The following EXT1 variants were observed in gnomAD, a reference collection of about 807,000 sequenced individuals.
EXT1 encodes the protein exostosin glycosyltransferase 1.
EXT1 carries 20 observed loss-of-function variants against 82.5 expected under a neutral mutation model. The ratio of observed to expected loss-of-function variants is 0.24; its 90% CI spans 0.17 to 0.35. The LOEUF (loss-of-function observed/expected upper bound fraction) is 0.35, where lower values mean the gene tolerates loss of function less well. Ranked by LOEUF, EXT1 falls within the 10% of genes least tolerant of loss-of-function variation. The probability of loss-of-function intolerance (pLI) is 1.00; values close to 1 mark genes in which losing one functional copy is unlikely to be tolerated. For missense variants in EXT1, 757 were observed against 936.5 expected, an observed-to-expected ratio of 0.81 and a Z score of 2.50; for synonymous variants, 348 against 350.8, an observed-to-expected ratio of 0.99 and a Z score of 0.09.
intron 1 of EXT1, among the ~76,000 whole-genome samples, chr8:117,972,644 T>G (rs1233400772): frequency 1.3e-5 from 2 of 152,224 alleles, no homozygotes; most frequent in Non-Finnish European, 2.9e-5. Flanking sequence ...GTTCTCACAC[T>G]GCTAATAAAG....
intron 1 of EXT1, among the ~76,000 whole-genome samples, chr8:117,883,833 T>C (rs1813102516): frequency 6.6e-6 from 1 of 152,226 alleles, no homozygotes; most frequent in Non-Finnish European, 1.5e-5. Context: ...GCAGGTAAAC[T>C]GCAGTCCGAC....
At chr8:117,936,453 A>C (rs1814164795) in intron 1 of EXT1, among the ~76,000 whole-genome samples, 1 of 152,280 alleles carries the variant, frequency 6.6e-6, no homozygotes, top group African/African-American at 2.4e-5. Flanking sequence ...AGAGAATCAG[A>C]GAGAAGTCAA....
At chr8:118,097,703 A>G (rs1331157521) in intron 1 of EXT1, among the ~76,000 whole-genome samples, 1 of 152,214 alleles carries the variant, frequency 6.6e-6, no homozygotes, top group Admixed American at 6.5e-5. Flanking sequence ...GAAGGCAGGT[A>G]CGTGCACCTT....
chr8:117,905,018 A>G (rs1031185145), intron 1 of EXT1, among the ~76,000 whole-genome samples: 1 of 152,188 alleles, frequency 6.6e-6, no homozygotes, highest in African/African-American at 2.4e-5. Context: ...TTATGCCTCA[A>G]TTAAAAAAGC....
intron 1 of EXT1, among the ~76,000 whole-genome samples, chr8:117,895,548 A>G (rs1813319569): frequency 1.3e-5 from 2 of 152,220 alleles, no homozygotes; most frequent in African/African-American, 4.8e-5. Flanking sequence ...AAGGGAAGTC[A>G]TTAAGACCCA....
At chr8:118,054,069 T>G (rs1054640434) in intron 1 of EXT1, among the ~76,000 whole-genome samples, 1 of 152,186 alleles carries the variant, frequency 6.6e-6, no homozygotes, top group African/African-American at 2.4e-5. Context: ...CATCCTATAA[T>G]GTACAGGGCA....
chr8:117,921,803 G>A (rs1357537638), intron 1 of EXT1, among the ~76,000 whole-genome samples: 3 of 152,100 alleles, frequency 2.0e-5, no homozygotes, highest in Admixed American at 6.5e-5. Context: ...TGAAGGAAGA[G>A]AAAAGCAAAA....
At chr8:117,817,455 A>G (rs944917084) in intron 7 of EXT1, among the ~76,000 whole-genome samples, 3 of 152,092 alleles carry the variant, frequency 2.0e-5, no homozygotes, top group African/African-American at 7.2e-5. Context: ...TGCTTCACCA[A>G]TCTCAATTTC....
chr8:117,989,023 T>G (rs1191041121), intron 1 of EXT1, among the ~76,000 whole-genome samples: 1 of 140,716 alleles, frequency 7.1e-6, no homozygotes, highest in African/African-American at 2.7e-5. Context: ...GCCAGGAGTT[T>G]GAGACCAGCC....
At chr8:117,846,592 A>G (rs905152006) in intron 1 of EXT1, among the ~76,000 whole-genome samples, 3 of 152,204 alleles carry the variant, frequency 2.0e-5, no homozygotes, top group Non-Finnish European at 4.4e-5. Flanking sequence ...ATTAACAATA[A>G]AAGAGCCAGC....
intron 1 of EXT1, among the ~76,000 whole-genome samples, chr8:118,024,627 CA>C (rs2129864594): frequency 6.6e-6 from 1 of 152,158 alleles, no homozygotes; most frequent in South Asian, 2.1e-4. Context: ...ATGGAACTTA[CA>C]AACTGTGCTA....
chr8:117,989,851 A>C (rs1467921459), intron 1 of EXT1, among the ~76,000 whole-genome samples: 1 of 152,248 alleles, frequency 6.6e-6, no homozygotes, highest in African/African-American at 2.4e-5. Flanking sequence ...TGCCAAAAAA[A>C]CAAATGCACT....
chr8:117,867,041 G>A (rs1180222922), intron 1 of EXT1, among the ~76,000 whole-genome samples: 4 of 151,938 alleles, frequency 2.6e-5, no homozygotes, highest in Admixed American at 6.6e-5. Context: ...TGGGTGGATC[G>A]CGAGGTCAGG....
chr8:117,854,133 T>C (rs10102199), intron 1 of EXT1, among the ~76,000 whole-genome samples: 14,341 of 152,298 alleles, frequency 0.094, 941 homozygotes, highest in African/African-American at 0.19. Flanking sequence ...TCCTTCCCAT[T>C]GACTCTAATA....
At chr8:117,925,584 A>G (rs1813937659) in intron 1 of EXT1, among the ~76,000 whole-genome samples, 1 of 151,808 alleles carries the variant, frequency 6.6e-6, no homozygotes, top group Admixed American at 6.6e-5. Context: ...AAAACAAGAA[A>G]TTGGCCAGGT....
intron 1 of EXT1, among the ~76,000 whole-genome samples, chr8:117,850,374 G>A (rs1434495826): frequency 6.6e-6 from 1 of 152,180 alleles, no homozygotes; most frequent in Non-Finnish European, 1.5e-5. Flanking sequence ...TCAGGATTAA[G>A]GCTAAGCAAA....
At chr8:118,056,683 C>T (rs1816800031) in intron 1 of EXT1, among the ~76,000 whole-genome samples, 2 of 152,102 alleles carry the variant, frequency 1.3e-5, no homozygotes, top group East Asian at 3.8e-4. Flanking sequence ...GCTGGGGGGT[C>T]CTCTGGCCTA....
intron 1 of EXT1, among the ~76,000 whole-genome samples, chr8:117,891,378 A>G (rs972649507): frequency 6.6e-6 from 1 of 152,198 alleles, no homozygotes; most frequent in African/African-American, 2.4e-5. Flanking sequence ...GATATGCCAA[A>G]CAAGACTATG....
chr8:117,823,657 C>T (rs887786650), intron 4 of EXT1, among the ~76,000 whole-genome samples: 4 of 152,136 alleles, frequency 2.6e-5, no homozygotes, highest in Non-Finnish European at 5.9e-5. Context: ...TTAACACCCT[C>T]ATCTCATTCC....
Sources: gnomAD v4.1 joint callset for allele counts (sites outside exome capture counted in the v4.1 genomes callset) on GRCh38, gnomAD v4.1.1 for gene constraint, MANE v1.5 for transcripts, NCBI Gene and HGNC (gene_info 2026-07-23, HGNC 2026-07-21) for gene names.